Variants in KLHL29 observed in about 807,000 individuals in gnomAD.
KLHL29 encodes the protein kelch like family member 29.
A neutral mutation model predicts 80.4 loss-of-function variants in KLHL29; 21 were observed. The ratio of observed to expected loss-of-function variants is 0.26; its 90% CI spans 0.19 to 0.38. The LOEUF is 0.38. Ranked by LOEUF, KLHL29 falls within the 10% of genes least tolerant of loss-of-function variation. KLHL29 has a pLI of 1.00. For missense variants in KLHL29, 867 were observed against 1,223.9 expected, an observed-to-expected ratio of 0.71 and a Z score of 4.35; for synonymous variants, 511 against 526.8, an observed-to-expected ratio of 0.97 and a Z score of 0.41.
Position 23,512,334 on chromosome 2 carries a change from A to G in KLHL29, c.-46+36667A>G, listed in dbSNP as rs752327343. On this transcript the variant is annotated intron_variant, in intron 2 of 13. Transcript: ENST00000486442. The stretch of plus-strand genomic sequence containing the variant: ...GTGGCATATCCCTGTAATCCCAGCT[A>G]CTTGGGAGGCTGAGGCAGGAGAGTT... Among the ~76,000 whole-genome samples, 11 of 152,174 alleles carry G rather than the reference A, an allele frequency of 7.2e-5. No individual in the cohort carries two copies. In the East Asian group the frequency reaches 7.8e-4, roughly 11 times the overall value.
rs776650439 is a variant in KLHL29, at chr2:23,706,868, C to G, written c.*204C>G. 5 of 487,178 alleles carry G rather than the reference C, an allele frequency of 1.0e-5. No individual in the cohort carries two copies. Among genetic ancestry groups the G allele is most frequent in the Non-Finnish European group, 1.8e-5 (5 of 283,740 alleles). 30.2% of individuals were successfully genotyped at this position (487,178 alleles called of 1,614,324 possible). ...GAAACGGAGGCACCGCGCTTGGAGC[C>G]GCAGGAACCACGATCCCGCCATGGG... On this transcript the variant is annotated 3_prime_UTR_variant, in exon 14 of 14. Transcript: ENST00000486442.
At chr2:23,658,971 G>GCAGCA (rs1670325361) in intron 5 of KLHL29, among the ~76,000 whole-genome samples, 1 of 152,144 alleles carries the variant, frequency 6.6e-6, no homozygotes, top group African/African-American at 2.4e-5. Context: ...TCACCCCAGC[G>GCAGCA]CAGCACAGCC....
intron 3 of KLHL29, among the ~76,000 whole-genome samples, chr2:23,633,866 G>T (rs1669538651): frequency 6.6e-6 from 1 of 152,018 alleles, no homozygotes; most frequent in African/African-American, 2.4e-5. Context: ...CCCGTGGCCT[G>T]CATGTCCTCA....
In KLHL29 at chr2:23,587,687, G is replaced by A. The variant is rs371618237; in HGVS notation, c.285+25206G>A. ...CTAACTGCGCTGTGTCCTCCACGGC[G>A]TACGTGTCACCCATATTCCAGAGCC... On this transcript the variant is annotated intron_variant, in intron 3 of 13. Coordinates refer to ENST00000486442, the MANE Select transcript of KLHL29 (RefSeq NM_052920.2). Among the ~76,000 whole-genome samples, 40 of 152,318 alleles carry A rather than the reference G, an allele frequency of 2.6e-4. 1 individual carries two copies. Among genetic ancestry groups the A allele is most frequent in the African/African-American group, 8.9e-4 (37 of 41,558 alleles).
At position 23,696,281 on chromosome 2, in the gene KLHL29, C is replaced by A; in HGVS notation, c.1925-52C>A. 1 of 1,520,244 alleles carries A rather than the reference C, an allele frequency of 6.6e-7. No homozygotes were observed. The allele number at this position is 1,520,244 out of a possible 1,614,324, so 94.2% of individuals were successfully genotyped here. On this transcript the variant is annotated intron_variant, in intron 10 of 13. Coordinates refer to ENST00000486442, the MANE Select transcript of KLHL29 (RefSeq NM_052920.2). This position sits in a 1 kb window ranked among gnomAD's most constrained non-coding sequence, Gnocchi z 5.5. ...GCCCCTGGGGCTGGGCCTGCTGACC[C>A]CAGGCCCCTCCTCACCCCGCCCGCT...
intron 1 of KLHL29, among the ~76,000 whole-genome samples, chr2:23,427,345 C>T (rs1280454297): frequency 6.6e-6 from 1 of 152,188 alleles, no homozygotes; most frequent in Non-Finnish European, 1.5e-5. Flanking sequence ...TACTGAATGA[C>T]TTCTTTAACC....
chr2:23,475,751 TG>T, intron 2 of KLHL29, 84 bp downstream of exon 2: 1 of 164,790 alleles, frequency 6.1e-6, no homozygotes. Context: ...GCTAAATGTG[TG>T]GGGGAAGGGA....
At chr2:23,632,977 G>A (rs1258713176) in intron 3 of KLHL29, among the ~76,000 whole-genome samples, 1 of 118,722 alleles carries the variant, frequency 8.4e-6, no homozygotes, top group Non-Finnish European at 1.9e-5. Flanking sequence ...AGTTCCAAAA[G>A]TCTGGCATGG....
intron 2 of KLHL29, among the ~76,000 whole-genome samples, chr2:23,536,890 T>TCACACACACACACA (rs111611960): frequency 1.4e-5 from 2 of 143,116 alleles, no homozygotes; most frequent in Non-Finnish European, 1.5e-5. Flanking sequence ...AAGACAGATC[T>TCACACACACACACA]CACACACACA....
intron 1 of KLHL29, among the ~76,000 whole-genome samples, chr2:23,408,417 T>A (rs1666785367): frequency 6.6e-6 from 1 of 152,128 alleles, no homozygotes; most frequent in Non-Finnish European, 1.5e-5. Context: ...AATGTGCTAT[T>A]CCATTTACTC....
chr2:23,416,839 G>T (rs1666990950), intron 1 of KLHL29, among the ~76,000 whole-genome samples: 1 of 152,110 alleles, frequency 6.6e-6, no homozygotes, highest in Non-Finnish European at 1.5e-5. Context: ...CTAAAACAAT[G>T]GTTCCCAAAT....
At chr2:23,399,234 C>A (rs1206042159) in intron 1 of KLHL29, among the ~76,000 whole-genome samples, 2 of 152,352 alleles carry the variant, frequency 1.3e-5, no homozygotes, top group Non-Finnish European at 2.9e-5. Context: ...CTGCATTTCC[C>A]TTTGGGTTCC....
At chr2:23,498,880 C>T (rs1665350309) in intron 2 of KLHL29, among the ~76,000 whole-genome samples, 1 of 152,250 alleles carries the variant, frequency 6.6e-6, no homozygotes, top group South Asian at 2.1e-4. Flanking sequence ...GACTGGGCGA[C>T]CTGTCACTGT....
chr2:23,600,058 G>A (rs1668530390), intron 3 of KLHL29, among the ~76,000 whole-genome samples: 2 of 152,210 alleles, frequency 1.3e-5, no homozygotes. Flanking sequence ...AGGGTAGGAG[G>A]GAAGAGGACA....
chr2:23,466,795 C>G (rs939493048), intron 1 of KLHL29, among the ~76,000 whole-genome samples: 1 of 152,088 alleles, frequency 6.6e-6, no homozygotes, highest in African/African-American at 2.4e-5. Flanking sequence ...AATAATGCAG[C>G]AAGGAATATT....
intron 1 of KLHL29, among the ~76,000 whole-genome samples, chr2:23,439,287 G>A (rs1375225836): frequency 6.6e-6 from 1 of 152,094 alleles, no homozygotes; most frequent in Non-Finnish European, 1.5e-5. Context: ...ATTTTTTGAA[G>A]GGTTTTTTTT....
chr2:23,477,812 C>T (rs1664679582), intron 2 of KLHL29, among the ~76,000 whole-genome samples: 1 of 152,228 alleles, frequency 6.6e-6, no homozygotes. Flanking sequence ...TTCACAGAAG[C>T]CAGCTCTCCT....
In KLHL29 at chr2:23,596,756, C is replaced by T. The variant is rs779331159; in HGVS notation, c.285+34275C>T. On this transcript the variant is annotated intron_variant, in intron 3 of 13. Transcript: ENST00000486442. The surrounding 1 kb of genome is among the most constrained non-coding windows in gnomAD (Gnocchi z 4.4). Reference sequence around the variant, plus strand: ...CAGAGCCATCTCTTACACACAACGGCGAAATTATTTTCTTCATCTCAGAAA... The same window carrying T: ...CAGAGCCATCTCTTACACACAACGGTGAAATTATTTTCTTCATCTCAGAAA... Among the ~76,000 whole-genome samples the T allele has an allele frequency of 1.2e-4, 18 of 152,136 alleles. No individual in the cohort carries two copies. Among genetic ancestry groups the T allele is most frequent in the African/African-American group, 1.9e-4 (8 of 41,422 alleles).
chr2:23,429,105 A>T (rs1288973560), intron 1 of KLHL29, among the ~76,000 whole-genome samples: 1 of 151,972 alleles, frequency 6.6e-6, no homozygotes, highest in Non-Finnish European at 1.5e-5. Context: ...GTGAGCATCC[A>T]CCTCTCCCCA....
Sources: gnomAD v4.1 joint callset for allele counts (sites outside exome capture counted in the v4.1 genomes callset) on GRCh38, gnomAD v4.1.1 for gene constraint, Gnocchi (gnomAD v3.1) non-coding constraint, MANE v1.5 for transcripts, NCBI Gene and HGNC (gene_info 2026-07-23, HGNC 2026-07-21) for gene names.